The following ZNF239 variants were observed in gnomAD, a reference collection of about 807,000 sequenced individuals.
ZNF239 encodes zinc finger protein (C2H2) homologous to mouse MOK-2.
In ZNF239, 16 loss-of-function variants were observed where a neutral mutation model predicts 27.5. The observed-to-expected ratio is 0.58, with a 90% CI of 0.39 to 0.88. The LOEUF is 0.88. Among genes scored for constraint, ZNF239 ranks in the 40% least tolerant of loss-of-function variants. ZNF239 has a pLI of 0.00. For missense variants in ZNF239, 527 were observed against 551.9 expected, an observed-to-expected ratio of 0.95 and a Z score of 0.45; for synonymous variants, 199 against 192.6, an observed-to-expected ratio of 1.03 and a Z score of -0.27.
intron 3 of ZNF239, among the ~76,000 whole-genome samples, chr10:43,564,521 G>A (rs1053997062): frequency 2.6e-5 from 4 of 152,072 alleles, no homozygotes; most frequent in Non-Finnish European, 4.4e-5. Context: ...TACTGAGGAC[G>A]AGAAGAGAGA....
intron 2 of ZNF239, among the ~76,000 whole-genome samples, chr10:43,568,713 T>C (rs965379220): frequency 1.6e-4 from 24 of 151,896 alleles, no homozygotes; most frequent in Admixed American, 1.5e-3. Context: ...TCCACCTTTC[T>C]ACCTTTTAAC....
chr10:43,573,508 G>T, intron 2 of ZNF239, 129 bp downstream of exon 2: 1 of 505,360 alleles, frequency 2.0e-6, no homozygotes, highest in Non-Finnish European at 2.6e-6. Flanking sequence ...CATGTCCTTA[G>T]TATCTTAATG....
chr10:43,563,159 AC>A (rs1837385767), intron 3 of ZNF239, among the ~76,000 whole-genome samples: 1 of 152,138 alleles, frequency 6.6e-6, no homozygotes, highest in African/African-American at 2.4e-5. Context: ...CTCTGAATAT[AC>A]AAAAAATAGC....
intron 2 of ZNF239, among the ~76,000 whole-genome samples, chr10:43,569,283 C>A (rs536770661): frequency 6.6e-6 from 1 of 152,314 alleles, no homozygotes; most frequent in South Asian, 2.1e-4. Flanking sequence ...TGCTCTCACC[C>A]ACATCAACCT....
At chr10:43,563,107 G>A (rs1014781371) in intron 3 of ZNF239, among the ~76,000 whole-genome samples, 19 of 152,182 alleles carry the variant, frequency 1.2e-4, no homozygotes, top group African/African-American at 4.6e-4. Flanking sequence ...TTGAGGTCAG[G>A]AGTTCGAGAT....
rs534114344 is a variant in ZNF239, at chr10:43,573,522, C to G, written c.-216+115G>C. The G allele has an allele frequency of 9.4e-6, 6 of 637,822 alleles. No individual in the cohort carries two copies. The South Asian group carries it at 4.2e-4, about 45-fold the overall frequency. 39.5% of individuals were successfully genotyped at this position (637,822 alleles called of 1,614,324 possible). ...ACATGTCCTTAGTATCTTAATGTCC[C>G]TACATCCATAGCTATAAAATACCGT... On this transcript the variant is annotated intron_variant, in intron 2 of 3. Transcript: ENST00000374446.
At position 43,556,990 on chromosome 10, in the gene ZNF239, T is replaced by A; in HGVS notation, c.1090A>T (p.Ile364Phe). Residue 364 changes from isoleucine to phenylalanine, a missense_variant, in exon 4 of 4, where the codon ATT becomes TTT. By Grantham distance (21) the Ile-to-Phe change is conservative. Coordinates refer to ENST00000374446, the MANE Select transcript of ZNF239 (RefSeq NM_001099282.2). ...TCTCCTGTGTGGATGCACCGGTGAA[T>A]GTGAAGGTTCGAGCTCTGACTGAAG... ...KGFSQSSNLH[I>F]HRCIHTGEKP... 6.2e-7 allele frequency: 1 copy of A among 1,614,068 alleles called. No individual in the cohort carries two copies. The highest frequency in any genetic ancestry group is 8.5e-7 in the Non-Finnish European group (1 of 1,180,014).
At chr10:43,570,707 G>A (rs1837976428) in intron 2 of ZNF239, 1 of 889,358 alleles carries the variant, frequency 1.1e-6, no homozygotes, top group East Asian at 1.2e-4. Flanking sequence ...CATTTCCACT[G>A]CCAGTCTTAG....
chr10:43,561,668 C>A (rs1308473949), intron 3 of ZNF239, among the ~76,000 whole-genome samples: 1 of 152,024 alleles, frequency 6.6e-6, no homozygotes, highest in Non-Finnish European at 1.5e-5. Flanking sequence ...CAAGAAATAG[C>A]AGTAAGCCAA....
rs1564452357 is a variant in ZNF239 at position 43,557,396 on chromosome 10, GTCTC to G, written c.680_683del (p.Arg227ThrfsTer99). ...ATTTGTAGGGTTTTTCTTCTGTGTG[GTCTC>G]TCTGATGAAGTAGTAGCTCTGAGCT... On this transcript the variant is annotated frameshift_variant, in exon 4 of 4. Transcript: ENST00000374446. LOFTEE classifies it high-confidence loss of function. 2 of 1,614,182 alleles carry G rather than the reference GTCTC, an allele frequency of 1.2e-6. No homozygotes were observed. The highest frequency in any genetic ancestry group is 2.2e-5 in the South Asian group (2 of 91,082).
At position 43,557,445 on chromosome 10, in the gene ZNF239, C is replaced by T. The variant is rs773198137; in HGVS notation, c.635G>A (p.Cys212Tyr). Residue 212 changes from cysteine to tyrosine, a missense_variant, in exon 4 of 4, where the codon TGT (cysteine) becomes TAT (tyrosine). Coordinates refer to ENST00000374446, the MANE Select transcript of ZNF239 (RefSeq NM_001099282.2). ...TGAGCTTTGACTGAAGTTCTTACCACACTGACTACATTCGTATTGTTTCTC... is the reference window on the plus strand; with the variant it reads ...TGAGCTTTGACTGAAGTTCTTACCATACTGACTACATTCGTATTGTTTCTC... Reference protein sequence around the residue: ...TAEKQYECSQCGKNFSQSSEL... With the variant: ...TAEKQYECSQYGKNFSQSSEL... 1.3e-5 allele frequency: 21 copies of T among 1,614,030 alleles called. No individual in the cohort carries two copies. The Admixed American group carries it at 2.3e-4, about 18-fold the overall frequency.
chr10:43,568,151 T>A (rs776867659), intron 2 of ZNF239, 130 bp from the exon 3 acceptor site: 74 of 985,440 alleles, frequency 7.5e-5, no homozygotes, highest in Non-Finnish European at 8.4e-5. Flanking sequence ...GGGATCTGAG[T>A]GAGCTAAGCC....
At position 43,557,391 on chromosome 10, in the gene ZNF239, G is replaced by T. The variant is rs371006967; in HGVS notation, c.689C>A (p.Thr230Lys). The change falls in exon 4 of 4, where the codon ACA becomes AAA. Residue 230 changes from threonine to lysine, a missense_variant. Transcript: ENST00000374446. ...CTCACATTTGTAGGGTTTTTCTTCT[G>T]TGTGGTCTCTCTGATGAAGTAGTAG... ...SELLLHQRDH[T>K]EEKPYKCEQC... The T allele has an allele frequency of 1.9e-5, 30 of 1,614,064 alleles. No individual in the cohort carries two copies. Among genetic ancestry groups the T allele is most frequent in the Non-Finnish European group, 2.5e-5 (30 of 1,180,034 alleles).
chr10:43,562,481 A>C (rs552966964), intron 3 of ZNF239, among the ~76,000 whole-genome samples: 1 of 152,268 alleles, frequency 6.6e-6, no homozygotes, highest in Non-Finnish European at 1.5e-5. Flanking sequence ...AGCTACAGAC[A>C]TGAAAGAAAC....
At chr10:43,561,143 T>G (rs1837217819) in intron 3 of ZNF239, among the ~76,000 whole-genome samples, 1 of 151,806 alleles carries the variant, frequency 6.6e-6, no homozygotes. Flanking sequence ...AAGATAAAAG[T>G]AAAAGCCCAT....
chr10:43,571,086 G>T, intron 2 of ZNF239: 1 of 871,402 alleles, frequency 1.1e-6, no homozygotes, highest in Non-Finnish European at 1.4e-6. Flanking sequence ...TCACTCCAAG[G>T]CTGTGCTCCT....
chr10:43,559,461 AGTGACG>A (rs1837061514), intron 3 of ZNF239, among the ~76,000 whole-genome samples: 1 of 152,222 alleles, frequency 6.6e-6, no homozygotes, highest in Non-Finnish European at 1.5e-5. Flanking sequence ...TTCCTGCCTG[AGTGACG>A]GTATGGTGGT....
At chr10:43,563,067 C>A (rs1407707654) in intron 3 of ZNF239, among the ~76,000 whole-genome samples, 1 of 152,060 alleles carries the variant, frequency 6.6e-6, no homozygotes, top group Non-Finnish European at 1.5e-5. Context: ...GTAATCCCAG[C>A]ACTTTGGGAG....
chr10:43,559,137 G>A (rs1837032017), intron 3 of ZNF239, among the ~76,000 whole-genome samples: 1 of 152,220 alleles, frequency 6.6e-6, no homozygotes, highest in Non-Finnish European at 1.5e-5. Flanking sequence ...TAAGAGTGGT[G>A]AAGAATGTGC....
Sources: gnomAD v4.1 joint callset for allele counts (sites outside exome capture counted in the v4.1 genomes callset) on GRCh38, gnomAD v4.1.1 for gene constraint, MANE v1.5 for transcripts, NCBI Gene and HGNC (gene_info 2026-07-23, HGNC 2026-07-21) for gene names.